KIF13A: variants seen among roughly 807,000 people sequenced by gnomAD.
KIF13A encodes kinesin family member 13A.
Under a neutral mutation model 212.2 loss-of-function variants are expected in KIF13A, and 79 were observed. That is an observed-to-expected ratio of 0.37 (90% CI 0.31 to 0.45). The LOEUF (loss-of-function observed/expected upper bound fraction) is 0.45. Ranked by LOEUF, KIF13A falls within the 20% of genes least tolerant of loss-of-function variation. KIF13A has a pLI of 1.00. For missense variants in KIF13A, 1,901 were observed against 2,209.0 expected, an observed-to-expected ratio of 0.86 and a Z score of 2.79; for synonymous variants, 789 against 808.6, an observed-to-expected ratio of 0.98 and a Z score of 0.41.
chr6:17,868,922 G>A (rs1320542643), intron 4 of KIF13A, among the ~76,000 whole-genome samples: 1 of 140,448 alleles, frequency 7.1e-6, no homozygotes, highest in Non-Finnish European at 1.5e-5. Flanking sequence ...TGAACCCAAG[G>A]AGGCGGAGGT....
chr6:17,849,417 C>G lies in KIF13A; in HGVS notation c.790G>C (p.Ala264Pro). The G allele has an allele frequency of 6.2e-7, 1 of 1,613,696 alleles. No individual in the cohort carries two copies. Among genetic ancestry groups the G allele is most frequent in the Non-Finnish European group, 8.5e-7 (1 of 1,179,756 alleles). Reference protein sequence around the residue: ...AGSERVSKTGAAGERLKEGSN... With the variant: ...AGSERVSKTGPAGERLKEGSN... ...CCTTCTTTCAGTCGCTCTCCTGCAG[C>G]TCCTGTTTTAGATACTCTTTCGCTA... The change falls in exon 9 of 39, where the codon GCT (alanine) becomes CCT (proline). Residue 264 changes from alanine (A) to proline (P), a missense_variant. Coordinates refer to ENST00000259711, the MANE Select transcript of KIF13A (RefSeq NM_022113.6). The surrounding 1 kb of genome is among the most constrained non-coding windows in gnomAD (Gnocchi z 5.7).
chr6:17,836,590 T>C lies in KIF13A; in HGVS notation c.1155+288A>G, dbSNP rs550703995. On this transcript the variant is annotated intron_variant, in intron 11 of 38. Transcript: ENST00000259711. ...CATTGCTATAAAGAAATACCTGAGA[T>C]TGGGTAATTTATAAAGAAAAGGGGG... Among the ~76,000 whole-genome samples, 7 of 152,216 alleles carry C rather than the reference T, an allele frequency of 4.6e-5. No homozygotes were observed. In the South Asian group the frequency reaches 6.2e-4, roughly 14 times the overall value.
intron 3 of KIF13A, among the ~76,000 whole-genome samples, chr6:17,891,559 A>G (rs984840762): frequency 1.3e-5 from 2 of 152,118 alleles, no homozygotes; most frequent in African/African-American, 4.8e-5. Flanking sequence ...GGAGTTTGAG[A>G]CCAGCCTGAG....
chr6:17,849,973 C>T lies in KIF13A; in HGVS notation c.717+350G>A, dbSNP rs890199827. ...GTCATCACACTTGTTAGGGACTTTG[C>T]ACAAGAAATACAATTATTTTTCTTT... is the stretch of plus-strand genomic sequence containing the variant. On this transcript the variant is annotated intron_variant, in intron 8 of 38. Transcript: ENST00000259711. This position sits in a 1 kb window ranked among gnomAD's most constrained non-coding sequence, Gnocchi z 5.7. 3.9e-5 allele frequency among the ~76,000 whole-genome samples: 6 copies of T among 152,124 alleles called. No individual in the cohort carries two copies. The highest frequency in any genetic ancestry group is 1.9e-4 in the East Asian group (1 of 5,188).
chr6:17,825,180 A>C lies in KIF13A; in HGVS notation c.1786+588T>G, dbSNP rs892040144. Among the ~76,000 whole-genome samples the C allele has an allele frequency of 6.6e-6, 1 of 152,242 alleles. No individual in the cohort carries two copies. Among genetic ancestry groups the C allele is most frequent in the Non-Finnish European group, 1.5e-5 (1 of 68,044 alleles). ...AATGCAGGCAGGTGTGTATAGGCAC[A>C]GAATAAGAAAGAAAAGGTAAAGGAA... On this transcript the variant is annotated intron_variant, in intron 16 of 38. Transcript: ENST00000259711. The surrounding 1 kb of genome is among the most constrained non-coding windows in gnomAD (Gnocchi z 4.5).
At position 17,826,332 on chromosome 6, in the gene KIF13A, A is replaced by T. The variant is rs749129173; in HGVS notation, c.1533-208T>A. Among the ~76,000 whole-genome samples, 10 of 152,258 alleles carry T rather than the reference A, an allele frequency of 6.6e-5. No homozygotes were observed. The highest frequency in any genetic ancestry group is 1.3e-4 in the Non-Finnish European group (9 of 68,042). ...GGCTGCCAACACCCCTCAGAGAATG[A>T]CAACCTAACATGATGCACTCCTGAT... On this transcript the variant is annotated intron_variant, in intron 14 of 38. Transcript: ENST00000259711. This position sits in a 1 kb window ranked among gnomAD's most constrained non-coding sequence, Gnocchi z 4.7.
intron 2 of KIF13A, among the ~76,000 whole-genome samples, chr6:17,964,142 C>G (rs529410454): frequency 2.6e-5 from 4 of 152,144 alleles, no homozygotes; most frequent in African/African-American, 4.8e-5. Context: ...CACACACACC[C>G]ACACCTCTCA....
At chr6:17,902,525 G>T (rs976171284) in intron 2 of KIF13A, among the ~76,000 whole-genome samples, 16 of 151,996 alleles carry the variant, frequency 1.1e-4, no homozygotes, top group African/African-American at 3.9e-4. Context: ...ATCTCTTCCA[G>T]GTCACCCACA....
At chr6:17,930,782 T>C (rs920462591) in intron 2 of KIF13A, among the ~76,000 whole-genome samples, 3 of 152,216 alleles carry the variant, frequency 2.0e-5, no homozygotes, top group Non-Finnish European at 2.9e-5. Context: ...TCTAACAGGC[T>C]TTCTCAAGCA....
chr6:17,935,270 T>C (rs576560691), intron 2 of KIF13A, among the ~76,000 whole-genome samples: 3 of 152,246 alleles, frequency 2.0e-5, no homozygotes, highest in Admixed American at 6.5e-5. Flanking sequence ...CTACTAAGGA[T>C]AGGCAGTTTA....
At chr6:17,808,444 C>A (rs1763166587) in intron 18 of KIF13A, among the ~76,000 whole-genome samples, 1 of 152,108 alleles carries the variant, frequency 6.6e-6, no homozygotes, top group East Asian at 1.9e-4. Context: ...ACATGTATTC[C>A]CCCATTTCAG....
chr6:17,794,996 T>G lies in KIF13A; in HGVS notation c.2943-292A>C. 1 of 292,454 alleles carries G rather than the reference T, an allele frequency of 3.4e-6. No individual in the cohort carries two copies. 18.1% of individuals were successfully genotyped at this position (292,454 alleles called of 1,614,324 possible). The stretch of plus-strand genomic sequence containing the variant: ...TATCACCTCAGAAAGTTTGCTCATA[T>G]GCATTCCCATTCAATCCCCACATTC... On this transcript the variant is annotated intron_variant, in intron 23 of 38. Transcript: ENST00000259711. The surrounding 1 kb of genome is among the most constrained non-coding windows in gnomAD (Gnocchi z 4.1).
Position 17,805,557 on chromosome 6 carries a change from T to G in KIF13A, c.2222A>C (p.Gln741Pro). The change falls in exon 19 of 39, where the codon CAA (glutamine) becomes CCA (proline). Residue 741 changes from glutamine to proline, a missense_variant. Physicochemically the swap from Gln to Pro is moderately conservative, Grantham distance 76. Transcript: ENST00000259711. ...IQVRRKGKSTQVWTIEKLENK... is the reference protein window; with the variant it reads ...IQVRRKGKSTPVWTIEKLENK... The stretch of plus-strand genomic sequence containing the variant: ...CTCCAGCTTCTCAATGGTCCACACT[T>G]GGGTGCTCTTTCCTTTCCTCCTCAC... 6.2e-7 allele frequency: 1 copy of G among 1,613,626 alleles called. No individual in the cohort carries two copies. The highest frequency in any genetic ancestry group is 1.3e-5 in the African/African-American group (1 of 75,036).
At position 17,843,150 on chromosome 6, in the gene KIF13A, G is replaced by A. The variant is rs1297298413; in HGVS notation, c.831-5567C>T. ...TAATTTGCCATACACATTCCTCCAT[G>A]CAATTACTGTGCTTGGTTTATGACT... On this transcript the variant is annotated intron_variant, in intron 9 of 38. Transcript: ENST00000259711. The surrounding 1 kb of genome is among the most constrained non-coding windows in gnomAD (Gnocchi z 5.3). Among the ~76,000 whole-genome samples the A allele has an allele frequency of 2.0e-5, 3 of 152,144 alleles. No individual in the cohort carries two copies. The highest frequency in any genetic ancestry group is 2.9e-5 in the Non-Finnish European group (2 of 68,014).
At chr6:17,913,025 G>C (rs1774207018) in intron 2 of KIF13A, among the ~76,000 whole-genome samples, 1 of 151,356 alleles carries the variant, frequency 6.6e-6, no homozygotes, top group African/African-American at 2.4e-5. Context: ...GGGTTCAAGT[G>C]ATCCTCCTGC....
Position 17,789,814 on chromosome 6 carries a change from T to C in KIF13A, c.3261+58A>G, listed in dbSNP as rs1761382255. On this transcript the variant is annotated intron_variant, in intron 26 of 38. Transcript: ENST00000259711. The surrounding 1 kb of genome is among the most constrained non-coding windows in gnomAD (Gnocchi z 4.8). ...TCCTCCCTGGCCTCTGCTTTGCGAA[T>C]GCTGGCAATTAGCAGTAGCTGTGCC... 1.3e-6 allele frequency: 2 copies of C among 1,487,826 alleles called. No individual in the cohort carries two copies. The highest frequency in any genetic ancestry group is 2.8e-5 in the African/African-American group (2 of 72,516). 92.2% of individuals were successfully genotyped at this position (1,487,826 alleles called of 1,614,324 possible). A position where few individuals can be genotyped will look rare whatever the true frequency, so the allele number is the denominator to read the frequency against.
At chr6:17,851,897 A>G in intron 7 of KIF13A, 58 bp downstream of exon 7, 1 of 851,872 alleles carries the variant, frequency 1.2e-6, no homozygotes, top group Non-Finnish European at 1.8e-6. Flanking sequence ...ACTCAGTATC[A>G]CTTACATACT....
intron 4 of KIF13A, among the ~76,000 whole-genome samples, chr6:17,869,019 A>AAAAAAAAAAAAAACC (rs1554187445): frequency 7.9e-6 from 1 of 126,514 alleles, no homozygotes; most frequent in South Asian, 3.1e-4. Context: ...AAAAAAAAAA[A>AAAAAAAAAAAAAACC]ACACAAATAA....
At chr6:17,879,673 T>C (rs1770885520) in intron 3 of KIF13A, among the ~76,000 whole-genome samples, 2 of 152,236 alleles carry the variant, frequency 1.3e-5, no homozygotes, top group Non-Finnish European at 2.9e-5. Context: ...ATTATGGCCG[T>C]TACTAATGCA....
Sources: allele counts gnomAD v4.1 joint callset (sites outside exome capture counted in the v4.1 genomes callset), GRCh38; gene constraint gnomAD v4.1.1; non-coding constraint Gnocchi (gnomAD v3.1); transcripts MANE v1.5; gene names NCBI Gene and HGNC (gene_info 2026-07-23, HGNC 2026-07-21).